Variants in BCL9 observed in about 807,000 individuals in gnomAD.
The protein encoded by BCL9 is B-cell CLL/lymphoma 9 protein.
A neutral mutation model predicts 88.5 loss-of-function variants in BCL9; 25 were observed. The ratio of observed to expected loss-of-function variants is 0.28; its 90% CI spans 0.21 to 0.39. The LOEUF is 0.39. Among genes scored for constraint, BCL9 ranks in the 10% least tolerant of loss-of-function variants. The pLI is 1.00. For missense variants in BCL9, 1,817 were observed against 1,877.8 expected, an observed-to-expected ratio of 0.97 and a Z score of 0.60; for synonymous variants, 711 against 673.3, an observed-to-expected ratio of 1.06 and a Z score of -0.87.
intron 1 of BCL9, among the ~76,000 whole-genome samples, chr1:147,602,704 AAG>A (rs151243680): frequency 0.014 from 2,158 of 152,286 alleles, 48 homozygotes; most frequent in African/African-American, 0.049. Flanking sequence ...TAAAAGATAA[AAG>A]AACAATTTCC....
At chr1:147,600,722 G>T (rs1230057944) in intron 1 of BCL9, among the ~76,000 whole-genome samples, 1 of 152,026 alleles carries the variant, frequency 6.6e-6, no homozygotes, top group African/African-American at 2.4e-5. Flanking sequence ...TGAGTTTGAT[G>T]AGGTCTGTAA....
chr1:147,587,108 G>A (rs1238357617), intron 1 of BCL9, among the ~76,000 whole-genome samples: 4 of 151,058 alleles, frequency 2.6e-5, no homozygotes, highest in Admixed American at 6.6e-5. Context: ...TGCTAGACCC[G>A]GCTCATATGT....
In BCL9 at chr1:147,553,145, G is replaced by A. The variant is rs587741194; in HGVS notation, c.-478+11471G>A. On this transcript the variant is annotated intron_variant, in intron 1 of 9. Coordinates refer to ENST00000234739, the MANE Select transcript of BCL9 (RefSeq NM_004326.4). ...TCAGTTATATTGAGTTTCTACATCC[G>A]AATCCTGTTTAAAGAGGGCCTAGTA... Among the ~76,000 whole-genome samples the A allele has an allele frequency of 3.2e-4, 48 of 152,162 alleles. No individual in the cohort carries two copies. The South Asian group carries it at 6.6e-3, about 21-fold the overall frequency.
intron 1 of BCL9, among the ~76,000 whole-genome samples, chr1:147,585,967 C>G (rs1553199178): frequency 6.6e-6 from 1 of 152,132 alleles, no homozygotes; most frequent in Admixed American, 6.5e-5. Flanking sequence ...TCAGCCCTTG[C>G]TCTGCCTGCT....
chr1:147,583,615 C>G (rs1656466347), intron 1 of BCL9, among the ~76,000 whole-genome samples: 1 of 151,844 alleles, frequency 6.6e-6, no homozygotes, highest in Non-Finnish European at 1.5e-5. Context: ...TTTTTTTTTA[C>G]ATACAGAATT....
At chr1:147,566,591 C>A (rs1021273138) in intron 1 of BCL9, among the ~76,000 whole-genome samples, 52 of 151,836 alleles carry the variant, frequency 3.4e-4, no homozygotes, top group African/African-American at 1.2e-3. Flanking sequence ...CCTGTCTCTA[C>A]TAAAAATACA....
At chr1:147,558,170 T>C (rs587611238) in intron 1 of BCL9, among the ~76,000 whole-genome samples, 70 of 152,218 alleles carry the variant, frequency 4.6e-4, no homozygotes, top group Admixed American at 3.2e-3. Flanking sequence ...ATGAAAAAAG[T>C]GAGGCTTGGA....
chr1:147,591,476 C>A (rs1553199888), intron 1 of BCL9, among the ~76,000 whole-genome samples: 1 of 152,214 alleles, frequency 6.6e-6, no homozygotes, highest in Non-Finnish European at 1.5e-5. Context: ...GGCTCCTCAA[C>A]TGCAAAACAG....
intron 3 of BCL9, among the ~76,000 whole-genome samples, chr1:147,608,761 C>T (rs587751548): frequency 6.6e-6 from 1 of 152,300 alleles, no homozygotes; most frequent in African/African-American, 2.4e-5. Context: ...ATACTTAACA[C>T]TGGAGTGCTT....
At chr1:147,585,155 G>A (rs144475123) in intron 1 of BCL9, among the ~76,000 whole-genome samples, 30 of 152,290 alleles carry the variant, frequency 2.0e-4, no homozygotes, top group African/African-American at 7.0e-4. Context: ...TTAGGGGAGC[G>A]GAGATTGTGG....
chr1:147,624,671 T>A lies in BCL9; in HGVS notation c.3993T>A (p.His1331Gln), dbSNP rs1553206198. ...FLQQGMMGPH[H>Q]RMMSPAQSTM... is the part of the protein sequence containing the mutation. The stretch of plus-strand genomic sequence containing the variant: ...AACAAGGCATGATGGGACCTCACCA[T>A]CGGATGATGTCACCAGCACAATCTA... Residue 1331 changes from histidine (H) to glutamine (Q), a missense_variant, in exon 10 of 10, where the codon CAT becomes CAA. Transcript: ENST00000234739. This position sits in a 1 kb window ranked among gnomAD's most constrained non-coding sequence, Gnocchi z 4.4. 1 of 1,613,988 alleles carries A rather than the reference T, an allele frequency of 6.2e-7. No individual in the cohort carries two copies. Among genetic ancestry groups the A allele is most frequent in the Non-Finnish European group, 8.5e-7 (1 of 1,179,992 alleles).
chr1:147,612,366 T>C (rs1339625655), intron 4 of BCL9, among the ~76,000 whole-genome samples: 1 of 152,204 alleles, frequency 6.6e-6, no homozygotes, highest in African/African-American at 2.4e-5. Context: ...TTTATCTGCT[T>C]TGGTGTAATA....
Position 147,619,164 on chromosome 1 carries a change from T to TCCAGTGGCGAGCCCC in BCL9, c.1013_1027dup (p.Ser338_Pro342dup), listed in dbSNP as rs1553204396. 6.2e-7 allele frequency: 1 copy of TCCAGTGGCGAGCCCC among 1,613,094 alleles called. No individual in the cohort carries two copies. The highest frequency in any genetic ancestry group is 8.5e-7 in the Non-Finnish European group (1 of 1,179,574). On this transcript the variant is annotated inframe_insertion, in exon 8 of 10. Transcript: ENST00000234739. The surrounding 1 kb of genome is among the most constrained non-coding windows in gnomAD (Gnocchi z 4.1). Reference sequence around the variant, plus strand: ...CAAAGCCCCTCCGCCTCCACCAGTGTCCAGTGGCGAGCCCCCCACACTGGG... The same window carrying TCCAGTGGCGAGCCCC: ...CAAAGCCCCTCCGCCTCCACCAGTGTCCAGTGGCGAGCCCCCCAGTGGCGAGCCCCCCACACTGGG...
At chr1:147,603,486 GATCAGGGTTTTTTGTTTTGT>G (rs1657504116) in intron 1 of BCL9, among the ~76,000 whole-genome samples, 1 of 152,068 alleles carries the variant, frequency 6.6e-6, no homozygotes, top group Non-Finnish European at 1.5e-5. Context: ...ACTTGCTCTA[GATCAGGGTTTTTTGTTTTGT>G]TTTTTTTTAA....
chr1:147,578,322 G>C (rs1553198277), intron 1 of BCL9, among the ~76,000 whole-genome samples: 2 of 152,108 alleles, frequency 1.3e-5, no homozygotes, highest in Non-Finnish European at 2.9e-5. Context: ...AAAAGTTTTT[G>C]AGCCCCAACA....
In BCL9 at chr1:147,566,544, C is replaced by G. The variant is rs587721987; in HGVS notation, c.-478+24870C>G. ...GGCCGAGGCAGGCGGATCACGAGGT[C>G]CGGAGATCGAGACCATCCTGGCTAA... On this transcript the variant is annotated intron_variant, in intron 1 of 9. Transcript: ENST00000234739. 4.6e-5 allele frequency among the ~76,000 whole-genome samples: 7 copies of G among 152,116 alleles called. No homozygotes were observed. In the South Asian group the frequency reaches 1.5e-3, roughly 32 times the overall value.
At chr1:147,601,912 A>AT (rs1164522878) in intron 1 of BCL9, among the ~76,000 whole-genome samples, 1 of 152,108 alleles carries the variant, frequency 6.6e-6, no homozygotes, top group African/African-American at 2.4e-5. Flanking sequence ...TTATTTGTTT[A>AT]TTTTTTGAGA....
intron 1 of BCL9, among the ~76,000 whole-genome samples, chr1:147,561,035 T>C (rs1166692066): frequency 1.3e-5 from 2 of 152,214 alleles, no homozygotes; most frequent in African/African-American, 2.4e-5. Flanking sequence ...CTTTGCTCCA[T>C]GAGGAGGTTC....
At chr1:147,596,695 G>T (rs1468555277) in intron 1 of BCL9, among the ~76,000 whole-genome samples, 1 of 152,130 alleles carries the variant, frequency 6.6e-6, no homozygotes, top group African/African-American at 2.4e-5. Context: ...TTCCAGGCGT[G>T]AGCCACCGCG....
Sources: gnomAD v4.1 joint callset for allele counts (sites outside exome capture counted in the v4.1 genomes callset) on GRCh38, gnomAD v4.1.1 for gene constraint, Gnocchi (gnomAD v3.1) non-coding constraint, MANE v1.5 for transcripts, NCBI Gene and HGNC (gene_info 2026-07-23, HGNC 2026-07-21) for gene names.